The following ZG16B variants were observed in gnomAD, a reference collection of about 807,000 sequenced individuals.
ZG16B encodes the protein zymogen granule protein 16B.
ZG16B carries 8 observed loss-of-function variants against 7.0 expected under a neutral mutation model. The ratio of observed to expected loss-of-function variants is 1.15; its 90% CI spans 0.68 to 2.08. The LOEUF (loss-of-function observed/expected upper bound fraction) is 2.08. ZG16B is among the 30% of genes most tolerant of loss of function. The pLI is 0.00. For synonymous variants in ZG16B, 92 were observed against 86.1 expected, an observed-to-expected ratio of 1.07 and a Z score of -0.38; for missense variants, 232 against 211.0, an observed-to-expected ratio of 1.10 and a Z score of -0.62.
At chr16:2,831,668 T>A (rs1288076456) in intron 3 of ZG16B, 128 bp from the exon 4 acceptor site, 4 of 1,378,532 alleles carry the variant, frequency 2.9e-6, no homozygotes, top group Admixed American at 2.3e-5. Flanking sequence ...AGTGAGTCTG[T>A]GTCAGGGACC....
chr16:2,830,706 C>G lies in ZG16B; in HGVS notation c.65C>G (p.Pro22Arg). ...GPTWAGKMYG[P>R]GGGKYFSTTE... is the part of the protein sequence containing the mutation. Reference sequence around the variant, plus strand: ...CTCTTTTCTTCAGAGATGTATGGCCCTGGAGGAGGCAAGTATTTCAGCACC... The same window carrying G: ...CTCTTTTCTTCAGAGATGTATGGCCGTGGAGGAGGCAAGTATTTCAGCACC... Residue 22 changes from proline to arginine, a missense_variant, in exon 3 of 4, where the codon CCT becomes CGT. By Grantham distance (103) the Pro-to-Arg change is moderately radical (BLOSUM62 -2). Transcript: ENST00000382280. 6.2e-7 allele frequency: 1 copy of G among 1,614,218 alleles called. No individual in the cohort carries two copies. Among genetic ancestry groups the G allele is most frequent in the Non-Finnish European group, 8.5e-7 (1 of 1,180,026 alleles).
Position 2,831,987 on chromosome 16 carries a change from T to C in ZG16B, c.347T>C (p.Ile116Thr), listed in dbSNP as rs770492875. ...TATTTTGGGAAGCTTGATGGCCAGATCTCCTCTGCCTACCCCAGCCAAGAG... is the reference window on the plus strand; with the variant it reads ...TATTTTGGGAAGCTTGATGGCCAGACCTCCTCTGCCTACCCCAGCCAAGAG... ...YFYFGKLDGQ[I>T]SSAYPSQEGQ... Residue 116 changes from isoleucine (I) to threonine (T), a missense_variant, in exon 4 of 4, where the codon ATC (isoleucine) becomes ACC (threonine). Transcript: ENST00000382280. 1 of 1,614,102 alleles carries C rather than the reference T, an allele frequency of 6.2e-7. No homozygotes were observed. Among genetic ancestry groups the C allele is most frequent in the South Asian group, 1.1e-5 (1 of 91,076 alleles).
rs1567280406 is a variant in ZG16B at position 2,830,417 on chromosome 16, C to A, written c.-25C>A. 1 of 1,603,808 alleles carries A rather than the reference C, an allele frequency of 6.2e-7. No homozygotes were observed. Among genetic ancestry groups the A allele is most frequent in the African/African-American group, 1.3e-5 (1 of 74,848 alleles). ...GGAGGCCTCTCTTCTTCCCACAGAG[C>A]CCTGGGATGCACCGGCCAGAGGCCA... is the stretch of plus-strand genomic sequence containing the variant. On this transcript the variant is annotated splice_region_variant and 5_prime_UTR_variant, in exon 2 of 4. Coordinates refer to ENST00000382280, the MANE Select transcript of ZG16B (RefSeq NM_145252.3).
chr16:2,831,105 T>G (rs1174990925), intron 3 of ZG16B: 4 of 324,918 alleles, frequency 1.2e-5, no homozygotes, highest in African/African-American at 4.3e-5. Flanking sequence ...AGGGTCAGAG[T>G]GGACCACTGA....
chr16:2,831,799 C>G lies in ZG16B; in HGVS notation c.159C>G (p.Val53=), dbSNP rs534336236. 6.2e-7 allele frequency: 1 copy of G among 1,610,656 alleles called. No homozygotes were observed. Among genetic ancestry groups the G allele is most frequent in the African/African-American group, 1.3e-5 (1 of 74,902 alleles). The part of the protein sequence containing the change: ...VSVGLLLVKS[V]QVKLGDSWDV... ...CAAAGCTTTGCCTCTCTCCCAGTGTCCAGGTGAAACTTGGAGACTCCTGGG... is the reference window on the plus strand; with the variant it reads ...CAAAGCTTTGCCTCTCTCCCAGTGTGCAGGTGAAACTTGGAGACTCCTGGG... Residue 53 remains valine, a synonymous_variant, in exon 4 of 4, where the codon GTC becomes GTG. Coordinates refer to ENST00000382280, the MANE Select transcript of ZG16B (RefSeq NM_145252.3).
In ZG16B at chr16:2,830,337, C is replaced by G. The variant is rs2069244789; in HGVS notation, c.-28+9C>G. 5.0e-6 allele frequency: 8 copies of G among 1,612,656 alleles called. No homozygotes were observed. Among genetic ancestry groups the G allele is most frequent in the Non-Finnish European group, 6.8e-6 (8 of 1,179,486 alleles). On this transcript the variant is annotated intron_variant, in intron 1 of 3. Transcript: ENST00000382280. ...GCCCAGTCACAGGCGAGGTAAGGTG[C>G]TTGGCTCCATGGGTGGGGCCCGGCA...
Sources: gnomAD v4.1 joint callset for allele counts on GRCh38, gnomAD v4.1.1 for gene constraint, MANE v1.5 for transcripts, NCBI Gene and HGNC (gene_info 2026-07-23, HGNC 2026-07-21) for gene names.